The following SGCD variants were observed in gnomAD, a reference collection of about 807,000 sequenced individuals.
The protein encoded by SGCD is sarcoglycan delta, also known as delta-sarcoglycan.
A neutral mutation model predicts 36.6 loss-of-function variants in SGCD; 18 were observed. The ratio of observed to expected loss-of-function variants is 0.49; its 90% CI spans 0.34 to 0.73. The LOEUF is 0.73. SGCD is among the 30% of genes least tolerant of loss of function. The pLI is 0.01. For synonymous variants in SGCD, 133 were observed against 130.6 expected, an observed-to-expected ratio of 1.02 and a Z score of -0.12; for missense variants, 387 against 346.7, an observed-to-expected ratio of 1.12 and a Z score of -0.92.
At chr5:156,530,238 G>A (rs1757831056) in intron 4 of SGCD, among the ~76,000 whole-genome samples, 1 of 152,234 alleles carries the variant, frequency 6.6e-6, no homozygotes, top group African/African-American at 2.4e-5. Context: ...ACCAAGCTGT[G>A]TAGATAGGTT....
upstream of SGCD, among the ~76,000 whole-genome samples, chr5:156,325,198 A>G (rs1291142227): frequency 2.0e-5 from 3 of 152,030 alleles, no homozygotes; most frequent in Non-Finnish European, 2.9e-5. Flanking sequence ...TAATGTTCCA[A>G]TAAGGCTTCA....
At chr5:156,124,248 A>G (rs1762115143) in intron 3 of SGCD, among the ~76,000 whole-genome samples, 1 of 152,186 alleles carries the variant, frequency 6.6e-6, no homozygotes, top group African/African-American at 2.4e-5. Flanking sequence ...TGTCTATATA[A>G]TAAAGAGGTG....
chr5:155,877,007 C>G (rs1352424921), intron 1 of SGCD, among the ~76,000 whole-genome samples: 3 of 152,086 alleles, frequency 2.0e-5, no homozygotes, highest in Non-Finnish European at 4.4e-5. Flanking sequence ...TCCCTATCTT[C>G]AAGGAACTTA....
At chr5:155,923,680 G>GC (rs1415349769) in intron 1 of SGCD, among the ~76,000 whole-genome samples, 1 of 152,142 alleles carries the variant, frequency 6.6e-6, no homozygotes, top group African/African-American at 2.4e-5. Context: ...AGGAATCAAG[G>GC]GAATTGGACA....
At chr5:156,486,822 C>T (rs141133500) in intron 3 of SGCD, among the ~76,000 whole-genome samples, 1 of 152,272 alleles carries the variant, frequency 6.6e-6, no homozygotes, top group Non-Finnish European at 1.5e-5. Flanking sequence ...CACCCACCCA[C>T]ATGTGCCACT....
At chr5:156,201,255 T>C (rs892443912) in intron 3 of SGCD, among the ~76,000 whole-genome samples, 2 of 152,104 alleles carry the variant, frequency 1.3e-5, no homozygotes, top group Non-Finnish European at 2.9e-5. Flanking sequence ...AATAAAAAAG[T>C]AAATAAAATG....
At chr5:156,582,071 A>T in intron 4 of SGCD, among the ~76,000 whole-genome samples, 1 of 152,044 alleles carries the variant, frequency 6.6e-6, no homozygotes, top group East Asian at 1.9e-4. Context: ...CTGGGGGCTC[A>T]ATTTTTTTTT....
At chr5:155,820,683 T>C in the SGCD span, among the ~76,000 whole-genome samples, 1 of 151,460 alleles carries the variant, frequency 6.6e-6, no homozygotes, top group African/African-American at 2.4e-5. Context: ...AGTGACAGAG[T>C]GAAATGTTGT....
At chr5:156,099,416 T>A (rs1761466067) in intron 1 of SGCD, among the ~76,000 whole-genome samples, 1 of 152,038 alleles carries the variant, frequency 6.6e-6, no homozygotes, top group South Asian at 2.1e-4. Context: ...TTCCTTTTTT[T>A]GTTGTTGTTT....
chr5:156,222,977 C>T (rs1764755520), intron 3 of SGCD, among the ~76,000 whole-genome samples: 1 of 152,068 alleles, frequency 6.6e-6, no homozygotes, highest in Non-Finnish European at 1.5e-5. Flanking sequence ...CTCCCTGGTA[C>T]ATTGACCTCC....
At chr5:156,691,504 G>A (rs1754110266) in intron 7 of SGCD, among the ~76,000 whole-genome samples, 2 of 152,114 alleles carry the variant, frequency 1.3e-5, no homozygotes, top group Non-Finnish European at 1.5e-5. Flanking sequence ...CATACAGTTT[G>A]TGACATAATT....
At chr5:156,674,598 G>A (rs1323704006) in intron 7 of SGCD, among the ~76,000 whole-genome samples, 1 of 152,172 alleles carries the variant, frequency 6.6e-6, no homozygotes, top group Non-Finnish European at 1.5e-5. Flanking sequence ...ATAGAGATGT[G>A]TCAAGCATCA....
chr5:156,566,423 T>C (rs1759480319), intron 4 of SGCD, among the ~76,000 whole-genome samples: 1 of 152,176 alleles, frequency 6.6e-6, no homozygotes, highest in African/African-American at 2.4e-5. Flanking sequence ...ATCCCTGGGT[T>C]AGAAGAAACA....
chr5:156,132,821 A>G (rs28673295), intron 3 of SGCD, among the ~76,000 whole-genome samples: 28 of 152,268 alleles, frequency 1.8e-4, no homozygotes, highest in African/African-American at 5.8e-4. Flanking sequence ...GCCCTCACTG[A>G]ATTTCTCTGA....
intron 3 of SGCD, among the ~76,000 whole-genome samples, chr5:156,200,800 G>A (rs1190796027): frequency 6.6e-6 from 1 of 152,156 alleles, no homozygotes; most frequent in African/African-American, 2.4e-5. Context: ...TATGTTCTTT[G>A]TAGTTTTATT....
chr5:156,132,777 T>G (rs2127606941), intron 3 of SGCD, among the ~76,000 whole-genome samples: 1 of 152,216 alleles, frequency 6.6e-6, no homozygotes, highest in African/African-American at 2.4e-5. Context: ...CCTTACCAAG[T>G]CTTATGATGG....
intron 1 of SGCD, among the ~76,000 whole-genome samples, chr5:156,002,203 T>C (rs1482020757): frequency 6.6e-6 from 1 of 152,044 alleles, no homozygotes; most frequent in Admixed American, 6.6e-5. Context: ...ATGACTGATA[T>C]CTGTATAAGA....
At chr5:156,516,226 C>T (rs915634302) in intron 4 of SGCD, among the ~76,000 whole-genome samples, 4 of 152,146 alleles carry the variant, frequency 2.6e-5, no homozygotes, top group African/African-American at 9.6e-5. Context: ...GTGAGACCCC[C>T]CACACACACA....
chr5:155,999,729 A>G (rs1398469052), intron 1 of SGCD, among the ~76,000 whole-genome samples: 2 of 152,212 alleles, frequency 1.3e-5, no homozygotes, highest in East Asian at 1.9e-4. Flanking sequence ...CTAGATACTC[A>G]CCCTGCCTGA....
Sources: allele counts gnomAD v4.1 joint callset (sites outside exome capture counted in the v4.1 genomes callset), GRCh38; gene constraint gnomAD v4.1.1; transcripts MANE v1.5; gene names NCBI Gene and HGNC (gene_info 2026-07-23, HGNC 2026-07-21).